The following NTM variants were observed in gnomAD, a reference collection of about 807,000 sequenced individuals.
NTM encodes IgLON family member 2.
Under a neutral mutation model 42.1 loss-of-function variants are expected in NTM, and 13 were observed. The ratio of observed to expected loss-of-function variants is 0.31; its 90% CI spans 0.20 to 0.49. The LOEUF (loss-of-function observed/expected upper bound fraction) is 0.49. NTM is among the 20% of genes least tolerant of loss of function. The pLI is 0.99. For missense variants in NTM, 373 were observed against 452.8 expected, an observed-to-expected ratio of 0.82 and a Z score of 1.60; for synonymous variants, 187 against 179.2, an observed-to-expected ratio of 1.04 and a Z score of -0.35.
intron 1 of NTM, among the ~76,000 whole-genome samples, chr11:131,499,015 G>A (rs749409171): frequency 2.4e-4 from 37 of 152,090 alleles, no homozygotes; most frequent in Admixed American, 3.9e-4. Flanking sequence ...AGCATCCCCC[G>A]GGACATTCTT....
chr11:132,288,586 C>T (rs1358345817), intron 4 of NTM, among the ~76,000 whole-genome samples: 1 of 152,154 alleles, frequency 6.6e-6, no homozygotes, highest in Non-Finnish European at 1.5e-5. Context: ...CTTTTAACCT[C>T]TATTGTTTAG....
chr11:131,860,867 T>C (rs1035170984), intron 1 of NTM, among the ~76,000 whole-genome samples: 3 of 152,184 alleles, frequency 2.0e-5, no homozygotes, highest in African/African-American at 7.2e-5. Flanking sequence ...GGCTACATAC[T>C]TATGAAAAAG....
At chr11:131,983,374 CT>C (rs151133606) in intron 2 of NTM, among the ~76,000 whole-genome samples, 7,214 of 122,226 alleles carry the variant, frequency 0.059, 135 homozygotes, top group Non-Finnish European at 0.078. Context: ...AAAATTGTAT[CT>C]TTTTTTTTTT....
intron 1 of NTM, among the ~76,000 whole-genome samples, chr11:131,737,216 C>T (rs967923689): frequency 1.3e-5 from 2 of 152,122 alleles, no homozygotes; most frequent in Non-Finnish European, 2.9e-5. Context: ...GAGGTGAGCT[C>T]CAACCACTCT....
chr11:132,002,909 A>G lies in NTM; in HGVS notation c.167+91261A>G, dbSNP rs117507337. ...ATGTTAGCAGCCATTATTACTGTTT[A>G]CTGTTAATAACAGAAATTACTATTA... On this transcript the variant is annotated intron_variant, in intron 2 of 8. Transcript: ENST00000683400. The surrounding 1 kb of genome is among the most constrained non-coding windows in gnomAD (Gnocchi z 4.5). 0.016 allele frequency among the ~76,000 whole-genome samples: 2,381 copies of G among 152,188 alleles called. 35 individuals are homozygous for G. Among genetic ancestry groups the G allele is most frequent in the Non-Finnish European group, 0.026 (1,744 of 68,024 alleles).
At chr11:131,916,399 CAG>C (rs1261507165) in intron 2 of NTM, among the ~76,000 whole-genome samples, 1 of 152,210 alleles carries the variant, frequency 6.6e-6, no homozygotes, top group Non-Finnish European at 1.5e-5. Context: ...AGGTGGGTAT[CAG>C]AGGCTGAACG....
rs557359558 is a variant in NTM, at chr11:131,412,908, C to A, written c.82+42020C>A. On this transcript the variant is annotated intron_variant, in intron 1 of 8. Coordinates refer to ENST00000683400, the MANE Select transcript of NTM (RefSeq NM_001352005.2). ...AGTGGAGAAACCTACACTAGGAGAACCTTTTGTCATCAATGGTTTTAGATT... is the reference window on the plus strand; with the variant it reads ...AGTGGAGAAACCTACACTAGGAGAAACTTTTGTCATCAATGGTTTTAGATT... Among the ~76,000 whole-genome samples, 171 of 152,170 alleles carry A rather than the reference C, an allele frequency of 1.1e-3. 1 individual carries two copies. The highest frequency in any genetic ancestry group is 4.0e-3 in the African/African-American group (166 of 41,514).
intron 1 of NTM, among the ~76,000 whole-genome samples, chr11:131,633,384 T>C (rs1488271682): frequency 1.3e-5 from 2 of 152,204 alleles, no homozygotes; most frequent in African/African-American, 4.8e-5. Flanking sequence ...TCTACAAAAT[T>C]AATTATCATG....
intron 1 of NTM, among the ~76,000 whole-genome samples, chr11:131,678,237 A>G (rs1161631843): frequency 6.6e-6 from 1 of 152,194 alleles, no homozygotes; most frequent in African/African-American, 2.4e-5. Flanking sequence ...CAGCCTTCTA[A>G]GGGCACACCC....
chr11:131,926,215 CAG>C (rs1555179288), intron 2 of NTM, among the ~76,000 whole-genome samples: 1 of 152,168 alleles, frequency 6.6e-6, no homozygotes, highest in Non-Finnish European at 1.5e-5. Flanking sequence ...GCTGAGTAAA[CAG>C]AGTGCCAGCT....
intron 4 of NTM, among the ~76,000 whole-genome samples, chr11:132,229,145 T>C (rs2086923890): frequency 6.6e-6 from 1 of 152,228 alleles, no homozygotes; most frequent in African/African-American, 2.4e-5. Flanking sequence ...GCATAGTGTC[T>C]GATATTTTTA....
At position 131,802,690 on chromosome 11, in the gene NTM, G is replaced by A. The variant is rs372908732; in HGVS notation, c.83-108874G>A. Among the ~76,000 whole-genome samples, 49 of 152,304 alleles carry A rather than the reference G, an allele frequency of 3.2e-4. No homozygotes were observed. The East Asian group carries it at 9.3e-3, about 29-fold the overall frequency. On this transcript the variant is annotated intron_variant, in intron 1 of 8. Transcript: ENST00000683400. ...TGTGTGGGGAGTGCAGAAAGCTGTG[G>A]CTCCTTTCTCGTGCAAACAGAGTGC...
chr11:131,886,362 A>T (rs956407085), intron 1 of NTM, among the ~76,000 whole-genome samples: 1 of 152,198 alleles, frequency 6.6e-6, no homozygotes, highest in Non-Finnish European at 1.5e-5. Context: ...CTCCTCAATG[A>T]AATTCTCTGC....
chr11:131,724,506 G>T (rs373222568), intron 1 of NTM, among the ~76,000 whole-genome samples: 2 of 152,098 alleles, frequency 1.3e-5, no homozygotes, highest in African/African-American at 4.8e-5. Context: ...GCAGACAAAT[G>T]CAAATAAGAA....
chr11:131,990,377 G>A (rs1051743473), intron 2 of NTM, among the ~76,000 whole-genome samples: 2 of 151,996 alleles, frequency 1.3e-5, no homozygotes, highest in African/African-American at 2.4e-5. Flanking sequence ...TTAAATTTTC[G>A]CTTAAATATT....
At position 131,370,787 on chromosome 11, in the gene NTM, AAAG is replaced by A. The variant is rs755610460; in HGVS notation, c.-11_-9del. The A allele has an allele frequency of 9.3e-6, 15 of 1,605,578 alleles. No homozygotes were observed. Among genetic ancestry groups the A allele is most frequent in the East Asian group, 4.5e-5 (2 of 44,862 alleles). ...AACCGAACCTGACAAAAAAGAAGAAAAAGAAGAAGAAAAAAAATCATGAAAACC... is the reference window on the plus strand; with the variant it reads ...AACCGAACCTGACAAAAAAGAAGAAAAAGAAGAAAAAAAATCATGAAAACC... On this transcript the variant is annotated 5_prime_UTR_variant, in exon 1 of 9. Coordinates refer to ENST00000683400, the MANE Select transcript of NTM (RefSeq NM_001352005.2).
intron 1 of NTM, among the ~76,000 whole-genome samples, chr11:131,595,280 C>A (rs1353774067): frequency 6.6e-6 from 1 of 152,100 alleles, no homozygotes; most frequent in Non-Finnish European, 1.5e-5. Flanking sequence ...CACCATGCGC[C>A]TCCACCAGCT....
At chr11:132,170,528 T>TA (rs35087488) in intron 3 of NTM, among the ~76,000 whole-genome samples, 316 of 152,298 alleles carry the variant, frequency 2.1e-3, no homozygotes, top group Non-Finnish European at 2.5e-3. Flanking sequence ...TTTGTAATGA[T>TA]AAAAAAAGTC....
At chr11:131,654,728 C>T (rs111923069) in intron 1 of NTM, among the ~76,000 whole-genome samples, 33 of 152,228 alleles carry the variant, frequency 2.2e-4, no homozygotes, top group African/African-American at 7.2e-4. Context: ...GCACCTCCCA[C>T]GCTTGCTCTT....
Sources: gnomAD v4.1 joint callset for allele counts (sites outside exome capture counted in the v4.1 genomes callset) on GRCh38, gnomAD v4.1.1 for gene constraint, Gnocchi (gnomAD v3.1) non-coding constraint, MANE v1.5 for transcripts, NCBI Gene and HGNC (gene_info 2026-07-23, HGNC 2026-07-21) for gene names.